Variants in PUM1 observed in about 807,000 individuals in gnomAD.
PUM1 encodes pumilio homolog 1.
Under a neutral mutation model 131.8 loss-of-function variants are expected in PUM1, and 13 were observed. That is an observed-to-expected ratio of 0.10 (90% confidence interval 0.06 to 0.16). The LOEUF (loss-of-function observed/expected upper bound fraction) is 0.16, where lower values mean the gene tolerates loss of function less well. PUM1 is among the 10% of genes least tolerant of loss of function. The probability of loss-of-function intolerance (pLI) is 1.00; values close to 1 mark genes in which losing one functional copy is unlikely to be tolerated. For missense variants in PUM1, 961 were observed against 1,512.4 expected, an observed-to-expected ratio of 0.64 and a Z score of 6.05; for synonymous variants, 509 against 556.5, an observed-to-expected ratio of 0.91 and a Z score of 1.20.
At chr1:30,987,114 AACAAT>A (rs1641592253) in intron 7 of PUM1, among the ~76,000 whole-genome samples, 1 of 152,222 alleles carries the variant, frequency 6.6e-6, no homozygotes, top group African/African-American at 2.4e-5. Context: ...AATAAAGATC[AACAAT>A]ACAATTAATT....
At position 30,942,049 on chromosome 1, in the gene PUM1, C is replaced by T. The variant is rs764992738; in HGVS notation, c.3069G>A (p.Gln1023=). The change falls in exon 19 of 22, where the codon CAG becomes CAA. Residue 1023 remains glutamine (Q), a synonymous_variant. Coordinates refer to ENST00000426105, the MANE Select transcript of PUM1 (RefSeq NM_001020658.2). The stretch of plus-strand genomic sequence containing the variant: ...GAAGCTCCTCTAAAATAGGGAGTGT[C>T]TGGTCAGGGAGACAGTGCTCCAGGA... ...QRILEHCLPD[Q]TLPILEELHQ... is the part of the protein sequence containing the mutation. The T allele has an allele frequency of 6.2e-7, 1 of 1,602,950 alleles. No individual in the cohort carries two copies. The highest frequency in any genetic ancestry group is 2.3e-5 in the East Asian group (1 of 43,924).
At chr1:30,986,955 G>A (rs943543349) in intron 7 of PUM1, among the ~76,000 whole-genome samples, 2 of 152,122 alleles carry the variant, frequency 1.3e-5, no homozygotes, top group Admixed American at 6.6e-5. Context: ...GACTGTGGTC[G>A]TGCAGGAATG....
intron 7 of PUM1, among the ~76,000 whole-genome samples, chr1:30,989,571 C>CAAAAAAAAA (rs1174565063): frequency 0.019 from 540 of 27,704 alleles, 52 homozygotes; most frequent in Non-Finnish European, 0.029. Flanking sequence ...GACTCCGTCT[C>CAAAAAAAAA]AAAAAAAAAA....
chr1:30,967,094 C>T (rs756022173), intron 12 of PUM1, 73 bp downstream of exon 12: 162 of 1,554,134 alleles, frequency 1.0e-4, no homozygotes, highest in Non-Finnish European at 1.4e-4. Context: ...TTTATTTCAA[C>T]ATACTTTAAG....
chr1:30,968,066 C>A, intron 11 of PUM1: 1 of 503,538 alleles, frequency 2.0e-6, no homozygotes, highest in South Asian at 1.7e-5. Context: ...GCCACTCCAT[C>A]TATCCCTGAT....
At chr1:31,043,046 C>T (rs2124573514) in intron 2 of PUM1, among the ~76,000 whole-genome samples, 1 of 152,224 alleles carries the variant, frequency 6.6e-6, no homozygotes, top group South Asian at 2.1e-4. Flanking sequence ...ATAATTCCCT[C>T]CTCTCTTTAT....
intron 14 of PUM1, among the ~76,000 whole-genome samples, 157 bp from the exon 15 acceptor site, chr1:30,954,138 G>A (rs530992396): frequency 6.6e-6 from 1 of 152,134 alleles, no homozygotes; most frequent in African/African-American, 2.4e-5. Flanking sequence ...CATGACTTTC[G>A]TGGGTCAACT....
intron 3 of PUM1, among the ~76,000 whole-genome samples, chr1:31,020,825 A>G (rs1334553912): frequency 1.3e-5 from 2 of 152,338 alleles, no homozygotes; most frequent in East Asian, 3.8e-4. Context: ...CTTTTGCTAC[A>G]TGCTTCACCT....
At chr1:31,063,480 A>C (rs531479293) in intron 1 of PUM1, among the ~76,000 whole-genome samples, 21 of 152,206 alleles carry the variant, frequency 1.4e-4, no homozygotes, top group African/African-American at 3.9e-4. Context: ...TAGGAGGCTG[A>C]GAGAAGGATA....
chr1:31,021,836 T>C (rs1402273914), intron 3 of PUM1, among the ~76,000 whole-genome samples: 1 of 152,060 alleles, frequency 6.6e-6, no homozygotes, highest in African/African-American at 2.4e-5. Context: ...ATAAGTAGAC[T>C]GTGAATATGC....
chr1:31,044,805 G>GTTTTT (rs990257268), intron 2 of PUM1, among the ~76,000 whole-genome samples: 8 of 151,796 alleles, frequency 5.3e-5, no homozygotes, highest in African/African-American at 1.7e-4. Context: ...GTTTTGTTTT[G>GTTTTT]TTTTTTGTTG....
intron 7 of PUM1, among the ~76,000 whole-genome samples, chr1:30,991,666 G>C (rs2124484886): frequency 6.6e-6 from 1 of 152,248 alleles, no homozygotes; most frequent in East Asian, 1.9e-4. Context: ...TAACAAGATT[G>C]GGAAACTAAC....
rs151315144 is a variant in PUM1, at chr1:30,967,246, G to A, written c.1710C>T (p.Gly570=). Residue 570 remains glycine (G), a synonymous_variant, in exon 12 of 22, where the codon GGC becomes GGT. Coordinates refer to ENST00000426105, the MANE Select transcript of PUM1 (RefSeq NM_001020658.2). ...DQTGALVVNA[G]ARNGLGAPVR... ...CAGGAGCTCCAAGACCATTTCTCGC[G>A]CCTGCATTCACTACAAGGGCACCAG... 1.5e-3 allele frequency: 2,467 copies of A among 1,613,938 alleles called. 42 individuals are homozygous for A. The African/African-American group carries it at 0.029, about 19-fold the overall frequency.
Position 30,980,174 on chromosome 1 carries a change from C to A in PUM1, c.1253-11G>T, listed in dbSNP as rs768111136. On this transcript the variant is annotated splice_polypyrimidine_tract_variant and intron_variant, in intron 8 of 21. Transcript: ENST00000426105. ...CAGCGGGAGCTAAACCTGCTGAAAA[C>A]ATACCTGTCAGTAAAAACAAACTTG... 1.9e-6 allele frequency: 3 copies of A among 1,609,944 alleles called. No homozygotes were observed. The highest frequency in any genetic ancestry group is 1.7e-4 in the Middle Eastern group (1 of 6,052).
chr1:30,946,081 G>A (rs190946225), intron 17 of PUM1, among the ~76,000 whole-genome samples: 16 of 151,668 alleles, frequency 1.1e-4, no homozygotes, highest in Middle Eastern at 3.4e-3. Flanking sequence ...CACCACACCC[G>A]GCCAACTCCT....
chr1:30,972,080 C>T (rs995943733), intron 10 of PUM1, among the ~76,000 whole-genome samples: 2 of 150,236 alleles, frequency 1.3e-5, no homozygotes, highest in African/African-American at 4.9e-5. Context: ...CATGGTAAAA[C>T]CCTGTCACTA....
chr1:30,955,695 A>T lies in PUM1; in HGVS notation c.2324-1714T>A, dbSNP rs1289901121. Among the ~76,000 whole-genome samples, 3 of 152,136 alleles carry T rather than the reference A, an allele frequency of 2.0e-5. No individual in the cohort carries two copies. The East Asian group carries it at 5.8e-4, about 29-fold the overall frequency. Reference sequence around the variant, plus strand: ...CGAGAAAAGTCATCCAATATTAACTACTTCTCAACTCTTCACAAGTCTTAA... The same window carrying T: ...CGAGAAAAGTCATCCAATATTAACTTCTTCTCAACTCTTCACAAGTCTTAA... On this transcript the variant is annotated intron_variant, in intron 14 of 21. Coordinates refer to ENST00000426105, the MANE Select transcript of PUM1 (RefSeq NM_001020658.2).
intron 20 of PUM1, among the ~76,000 whole-genome samples, chr1:30,938,182 G>A (rs528681267): frequency 1.3e-5 from 2 of 152,302 alleles, no homozygotes; most frequent in African/African-American, 2.4e-5. Flanking sequence ...TGGGGTTACA[G>A]GCATGAGCCA....
At position 30,933,210 on chromosome 1, in the gene PUM1, C is replaced by T. The variant is rs1388751108; in HGVS notation, c.*1G>A. 1 of 1,610,156 alleles carries T rather than the reference C, an allele frequency of 6.2e-7. No homozygotes were observed. The highest frequency in any genetic ancestry group is 1.7e-5 in the Admixed American group (1 of 59,234). On this transcript the variant is annotated 3_prime_UTR_variant, in exon 22 of 22. Coordinates refer to ENST00000426105, the MANE Select transcript of PUM1 (RefSeq NM_001020658.2). ...ATGAGGGAACAGCGGGTGACACTGC[C>T]TCAGATGATACCATTAGGGGGGCCA... is the stretch of plus-strand genomic sequence containing the variant.
Sources: allele counts gnomAD v4.1 joint callset (sites outside exome capture counted in the v4.1 genomes callset), GRCh38; gene constraint gnomAD v4.1.1; transcripts MANE v1.5; gene names NCBI Gene and HGNC (gene_info 2026-07-23, HGNC 2026-07-21).